The following KDM2B variants were observed in gnomAD, a reference collection of about 807,000 sequenced individuals.
KDM2B encodes lysine-specific demethylase 2B.
KDM2B carries 26 observed loss-of-function variants against 150.0 expected under a neutral mutation model. The observed-to-expected ratio is 0.17, with a 90% CI of 0.13 to 0.24. The LOEUF (loss-of-function observed/expected upper bound fraction) is 0.24. Among genes scored for constraint, KDM2B ranks in the 10% least tolerant of loss-of-function variants. The probability of loss-of-function intolerance (pLI) is 1.00; values close to 1 mark genes in which losing one functional copy is unlikely to be tolerated. For missense variants in KDM2B, 1,265 were observed against 1,816.9 expected, an observed-to-expected ratio of 0.70 and a Z score of 5.52; for synonymous variants, 734 against 729.5, an observed-to-expected ratio of 1.01 and a Z score of -0.10.
intron 6 of KDM2B, among the ~76,000 whole-genome samples, chr12:121,548,482 G>C (rs1889235624): frequency 6.6e-6 from 1 of 152,160 alleles, no homozygotes; most frequent in Non-Finnish European, 1.5e-5. Flanking sequence ...CAAAACCAAA[G>C]CATCCAATGT....
At chr12:121,476,552 A>C (rs1555296824) in intron 12 of KDM2B, among the ~76,000 whole-genome samples, 1 of 152,160 alleles carries the variant, frequency 6.6e-6, no homozygotes, top group African/African-American at 2.4e-5. Context: ...CTATTCCTGA[A>C]AGGTAACACG....
At chr12:121,491,476 T>A (rs1883341020) in intron 12 of KDM2B, among the ~76,000 whole-genome samples, 1 of 152,000 alleles carries the variant, frequency 6.6e-6, no homozygotes, top group South Asian at 2.1e-4. Context: ...GGCTCTGAAG[T>A]TATTTACTTC....
intron 4 of KDM2B, among the ~76,000 whole-genome samples, chr12:121,558,426 G>A (rs1399320290): frequency 6.6e-6 from 1 of 151,750 alleles, no homozygotes; most frequent in Non-Finnish European, 1.5e-5. Flanking sequence ...AGACATGTGT[G>A]GAGAAGGCCT....
chr12:121,566,484 T>C (rs935096793), intron 4 of KDM2B, among the ~76,000 whole-genome samples: 29 of 152,192 alleles, frequency 1.9e-4, no homozygotes, highest in Admixed American at 5.9e-4. Context: ...GAGCTGGGCA[T>C]GGTGGCGGGT....
chr12:121,560,287 G>A (rs573531067), intron 4 of KDM2B, among the ~76,000 whole-genome samples: 2 of 152,282 alleles, frequency 1.3e-5, no homozygotes, highest in East Asian at 3.9e-4. Flanking sequence ...TGACAGGCAT[G>A]AGCCACCTCA....
chr12:121,534,388 G>C, intron 7 of KDM2B, 109 bp downstream of exon 7: 1 of 783,396 alleles, frequency 1.3e-6, no homozygotes, highest in Non-Finnish European at 2.2e-6. Flanking sequence ...GTACTCCTGG[G>C]GCAGGGCTGG....
chr12:121,475,817 G>A (rs999070576), intron 12 of KDM2B, among the ~76,000 whole-genome samples: 1 of 151,924 alleles, frequency 6.6e-6, no homozygotes, highest in African/African-American at 2.4e-5. Context: ...TTGAATAGAT[G>A]TTATTTTCTC....
chr12:121,512,246 C>T (rs117866226), intron 10 of KDM2B, among the ~76,000 whole-genome samples: 129 of 152,182 alleles, frequency 8.5e-4, no homozygotes, highest in Non-Finnish European at 1.7e-3. Context: ...ACTTTCCAAC[C>T]CCCTGAATAT....
At chr12:121,421,535 TCAAAACAAAA>T in the KDM2B span, among the ~76,000 whole-genome samples, 3 of 152,112 alleles carry the variant, frequency 2.0e-5, no homozygotes, top group African/African-American at 4.8e-5. Flanking sequence ...CAAGACTGTC[TCAAAACAAAA>T]CAAAACAGAA....
chr12:121,562,212 G>A (rs1260346741), intron 4 of KDM2B, among the ~76,000 whole-genome samples: 1 of 151,768 alleles, frequency 6.6e-6, no homozygotes, highest in African/African-American at 2.4e-5. Context: ...GGCCAGCACA[G>A]TAGTTCACGC....
chr12:121,515,568 C>A (rs780026660), intron 9 of KDM2B, among the ~76,000 whole-genome samples: 3 of 139,210 alleles, frequency 2.2e-5, no homozygotes, highest in Non-Finnish European at 4.6e-5. Context: ...TCTCTGCTGA[C>A]AATAAACAGG....
downstream of KDM2B, among the ~76,000 whole-genome samples, chr12:121,425,407 G>C (rs1370860832): frequency 6.6e-6 from 1 of 152,078 alleles, no homozygotes; most frequent in Non-Finnish European, 1.5e-5. Context: ...GTTGAGTTGA[G>C]ACCAACTGTC....
chr12:121,535,930 C>T, intron 6 of KDM2B: 1 of 417,802 alleles, frequency 2.4e-6, no homozygotes, highest in Non-Finnish European at 3.2e-6. Flanking sequence ...CACTAGAGCC[C>T]CAGGTGGCAC....
intron 13 of KDM2B, among the ~76,000 whole-genome samples, chr12:121,446,258 C>T (rs897242688): frequency 3.3e-4 from 50 of 152,082 alleles, no homozygotes; most frequent in African/African-American, 8.5e-4. Flanking sequence ...ATTAGCCGGG[C>T]GTGGTGGCGG....
At chr12:121,552,559 G>C (rs1200687108) in intron 4 of KDM2B, among the ~76,000 whole-genome samples, 1 of 152,002 alleles carries the variant, frequency 6.6e-6, no homozygotes, top group Admixed American at 6.6e-5. Flanking sequence ...TGTAATCCCA[G>C]CTACTTGGGA....
chr12:121,504,898 C>T (rs1301353399), intron 11 of KDM2B, among the ~76,000 whole-genome samples: 1 of 152,014 alleles, frequency 6.6e-6, no homozygotes, highest in African/African-American at 2.4e-5. Flanking sequence ...GGGTGGATCA[C>T]GAGGTCAGGA....
chr12:121,420,207 T>C, the KDM2B span: 1 of 1,599,618 alleles, frequency 6.3e-7, no homozygotes, highest in Non-Finnish European at 8.6e-7. Context: ...TACAGATTGA[T>C]TCCTGACCTA....
chr12:121,530,528 C>A, intron 8 of KDM2B, among the ~76,000 whole-genome samples: 1 of 136,896 alleles, frequency 7.3e-6, no homozygotes, highest in Non-Finnish European at 1.6e-5. Context: ...CACCCTCCCT[C>A]CCACCCTACC....
rs1875434293 is a variant in KDM2B, at chr12:121,443,006, G to T, written c.2590C>A (p.Leu864Ile). 3.1e-6 allele frequency: 5 copies of T among 1,613,382 alleles called. No homozygotes were observed. The highest frequency in any genetic ancestry group is 2.2e-5 in the East Asian group (1 of 44,846). ...GAAGATGGTACCTTTTTCCTGAAAA[G>T]CTTATCTTCTTTGCCAGGTTTGAGC... ...QQLKPGKEDK[L>I]FRKKRRSWKN... The change falls in exon 18 of 23, where the codon CTT becomes ATT. Residue 864 changes from leucine (L) to isoleucine (I), a missense_variant. Around this residue, in one of 11 missense-constraint regions of KDM2B, gnomAD observed 418 missense variants for 402.4 expected, o/e 1.04. Coordinates refer to ENST00000377071, the MANE Select transcript of KDM2B (RefSeq NM_032590.5).
Sources: gnomAD v4.1 joint callset for allele counts (sites outside exome capture counted in the v4.1 genomes callset) on GRCh38, gnomAD v4.1.1 for gene constraint, gnomAD v4.1.1 regional missense constraint, MANE v1.5 for transcripts, NCBI Gene and HGNC (gene_info 2026-07-23, HGNC 2026-07-21) for gene names.